The following HPSE2 variants were observed in gnomAD, a reference collection of about 807,000 sequenced individuals.
HPSE2 encodes heparanase 2 (inactive).
In HPSE2, 38 loss-of-function variants were observed where a neutral mutation model predicts 60.5. The ratio of observed to expected loss-of-function variants is 0.63; its 90% confidence interval spans 0.48 to 0.82. The LOEUF is 0.82. Among genes scored for constraint, HPSE2 ranks in the 40% least tolerant of loss-of-function variants. The pLI, the probability that HPSE2 is intolerant of heterozygous loss-of-function variation, is 0.00. For synonymous variants in HPSE2, 295 were observed against 293.2 expected, an observed-to-expected ratio of 1.01 and a Z score of -0.06; for missense variants, 713 against 740.4, an observed-to-expected ratio of 0.96 and a Z score of 0.43.
intron 7 of HPSE2, among the ~76,000 whole-genome samples, chr10:98,633,301 G>C (rs1485992178): frequency 6.6e-6 from 1 of 152,174 alleles, no homozygotes; most frequent in African/African-American, 2.4e-5. Flanking sequence ...CTGGGCTCAA[G>C]CAATCCTCCC....
chr10:99,125,449 C>T (rs528757261), intron 3 of HPSE2, among the ~76,000 whole-genome samples: 69 of 152,306 alleles, frequency 4.5e-4, no homozygotes, highest in African/African-American at 1.5e-3. Flanking sequence ...CTAAGGAAGA[C>T]GGCAGATTGG....
chr10:99,285,902 G>A, the HPSE2 span, among the ~76,000 whole-genome samples: 4 of 152,142 alleles, frequency 2.6e-5, no homozygotes, highest in Non-Finnish European at 4.4e-5. Flanking sequence ...TCCAGCCTGG[G>A]GAATAGAGCA....
chr10:99,265,643 T>A, the HPSE2 span, among the ~76,000 whole-genome samples: 5 of 152,196 alleles, frequency 3.3e-5, no homozygotes, highest in African/African-American at 1.2e-4. Flanking sequence ...AGGACTAAAT[T>A]GCAGCTCCCA....
At chr10:98,681,774 T>C (rs1049366559) in intron 6 of HPSE2, among the ~76,000 whole-genome samples, 24 of 152,322 alleles carry the variant, frequency 1.6e-4, no homozygotes, top group African/African-American at 4.3e-4. Context: ...ATTGAATAGA[T>C]TTGTGAGAAT....
chr10:98,573,455 T>A (rs1944556245), intron 9 of HPSE2, among the ~76,000 whole-genome samples: 2 of 66,932 alleles, frequency 3.0e-5, no homozygotes, highest in Non-Finnish European at 7.5e-5. Flanking sequence ...AGGGACTCTG[T>A]GGAGAGCCCA....
At chr10:98,972,512 A>G (rs1489984276) in intron 3 of HPSE2, among the ~76,000 whole-genome samples, 2 of 152,096 alleles carry the variant, frequency 1.3e-5, no homozygotes, top group African/African-American at 4.8e-5. Context: ...AACTTTATAG[A>G]CTTATTTTTC....
intron 3 of HPSE2, among the ~76,000 whole-genome samples, chr10:98,781,287 C>CTTTTTTTTTTTTT (rs1247238028): frequency 1.5e-5 from 2 of 132,626 alleles, no homozygotes; most frequent in South Asian, 2.3e-4. Context: ...ATATCCACTT[C>CTTTTTTTTTTTTT]TTTTTTTTTT....
At chr10:98,740,401 G>A (rs1949469501) in intron 4 of HPSE2, among the ~76,000 whole-genome samples, 1 of 152,044 alleles carries the variant, frequency 6.6e-6, no homozygotes, top group South Asian at 2.1e-4. Context: ...TCAAACTCCT[G>A]ACCTCAAGAA....
chr10:98,999,840 C>T (rs1180022078), intron 3 of HPSE2, among the ~76,000 whole-genome samples: 6 of 152,058 alleles, frequency 3.9e-5, no homozygotes, highest in African/African-American at 1.4e-4. Context: ...AACAGTGTTG[C>T]CTTATTTTCT....
At chr10:98,678,806 TA>T (rs1947711413) in intron 6 of HPSE2, among the ~76,000 whole-genome samples, 1 of 151,986 alleles carries the variant, frequency 6.6e-6, no homozygotes, top group Non-Finnish European at 1.5e-5. Flanking sequence ...TTTGCCTTAT[TA>T]AAAATAATCC....
At chr10:98,962,783 A>G (rs1010903982) in intron 3 of HPSE2, among the ~76,000 whole-genome samples, 1 of 150,704 alleles carries the variant, frequency 6.6e-6, no homozygotes, top group African/African-American at 2.4e-5. Context: ...CTTATACACC[A>G]ACAACAGACA....
intron 3 of HPSE2, among the ~76,000 whole-genome samples, chr10:99,061,695 G>A (rs1842448429): frequency 1.3e-5 from 2 of 152,310 alleles, no homozygotes; most frequent in South Asian, 4.1e-4. Context: ...ATGGTTAGGA[G>A]CACAGACTAT....
chr10:98,988,139 AACT>A (rs1956418665), intron 3 of HPSE2, among the ~76,000 whole-genome samples: 1 of 152,216 alleles, frequency 6.6e-6, no homozygotes, highest in African/African-American at 2.4e-5. Flanking sequence ...AATTGGAAAA[AACT>A]ACTTTAAAGT....
intron 6 of HPSE2, among the ~76,000 whole-genome samples, chr10:98,666,274 A>C (rs986695649): frequency 9.2e-5 from 14 of 152,208 alleles, no homozygotes; most frequent in African/African-American, 3.1e-4. Flanking sequence ...ACCCACCCAG[A>C]TTTATAAAAC....
rs1344731743 is a variant in HPSE2, at chr10:99,126,891, G to A, written c.610+17347C>T. 2.6e-5 allele frequency among the ~76,000 whole-genome samples: 4 copies of A among 152,108 alleles called. No individual in the cohort carries two copies. The highest frequency in any genetic ancestry group is 9.7e-5 in the African/African-American group (4 of 41,410). On this transcript the variant is annotated intron_variant, in intron 3 of 11. Coordinates refer to ENST00000370552, the MANE Select transcript of HPSE2 (RefSeq NM_021828.5). The surrounding 1 kb of genome is among the most constrained non-coding windows in gnomAD (Gnocchi z 4.0). ...CCACTTGATAGCGAGACCCAGAAGG[G>A]CAATAATGATCATTGCAGTCTGGCT...
chr10:99,256,187 GA>G, the HPSE2 span, among the ~76,000 whole-genome samples: 24 of 151,208 alleles, frequency 1.6e-4, no homozygotes, highest in South Asian at 4.9e-3. Context: ...TTTGTGTGGG[GA>G]CACAGAGCCA....
chr10:98,553,905 C>T (rs907486544), intron 9 of HPSE2, among the ~76,000 whole-genome samples: 1 of 152,132 alleles, frequency 6.6e-6, no homozygotes, highest in Non-Finnish European at 1.5e-5. Context: ...TCCAGTCAGT[C>T]CTTTGGCCCC....
intron 2 of HPSE2, among the ~76,000 whole-genome samples, chr10:99,185,630 C>G (rs538697241): frequency 6.6e-6 from 1 of 151,648 alleles, no homozygotes; most frequent in Non-Finnish European, 1.5e-5. Context: ...AAAAATTAGC[C>G]GGGCGTAGTG....
intron 10 of HPSE2, among the ~76,000 whole-genome samples, chr10:98,489,601 C>T (rs1439222370): frequency 1.3e-5 from 2 of 152,156 alleles, no homozygotes; most frequent in African/African-American, 4.8e-5. Context: ...TGGTCTAGGG[C>T]TAGGTTTCTA....
Sources: allele counts gnomAD v4.1 joint callset (sites outside exome capture counted in the v4.1 genomes callset), GRCh38; gene constraint gnomAD v4.1.1; non-coding constraint Gnocchi (gnomAD v3.1); transcripts MANE v1.5; gene names NCBI Gene and HGNC (gene_info 2026-07-23, HGNC 2026-07-21).